Variants in CFAP61 observed in about 807,000 individuals in gnomAD.
CFAP61 encodes cilia- and flagella-associated protein 61.
Under a neutral mutation model 135.6 loss-of-function variants are expected in CFAP61, and 107 were observed. The observed-to-expected ratio is 0.79, with a 90% CI of 0.67 to 0.93. The LOEUF is 0.93. Ranked by LOEUF, CFAP61 falls within the 40% of genes least tolerant of loss-of-function variation. The probability of loss-of-function intolerance (pLI) is 0.00; values close to 1 mark genes in which losing one functional copy is unlikely to be tolerated. For synonymous variants in CFAP61, 575 were observed against 578.5 expected, an observed-to-expected ratio of 0.99 and a Z score of 0.09; for missense variants, 1,507 against 1,556.2, an observed-to-expected ratio of 0.97 and a Z score of 0.53.
intron 13 of CFAP61, chr20:20,171,746 T>C: frequency 1.5e-6 from 1 of 682,048 alleles, no homozygotes; most frequent in Non-Finnish European, 2.7e-6. Context: ...TTCAATATAA[T>C]TTATAATCCT....
intron 25 of CFAP61, chr20:20,316,884 AAAAACCAAG>A: frequency 7.6e-6 from 1 of 130,786 alleles, no homozygotes. Flanking sequence ...TCTGTCTGAA[AAAAACCAAG>A]GCAGACAGAG....
chr20:20,079,442 TTC>T (rs1165008724), intron 6 of CFAP61, among the ~76,000 whole-genome samples: 1 of 152,188 alleles, frequency 6.6e-6, no homozygotes, highest in African/African-American at 2.4e-5. Context: ...TATTTTTTTT[TTC>T]CTTTTTGCTG....
chr20:20,197,714 G>C (rs2056387245), intron 16 of CFAP61, among the ~76,000 whole-genome samples: 1 of 129,684 alleles, frequency 7.7e-6, no homozygotes, highest in Non-Finnish European at 1.6e-5. Flanking sequence ...GATTCCCAAG[G>C]GTTTTTTTTC....
At chr20:20,063,956 G>A (rs1167716911) in intron 2 of CFAP61, among the ~76,000 whole-genome samples, 2 of 151,004 alleles carry the variant, frequency 1.3e-5, no homozygotes, top group South Asian at 2.1e-4. Context: ...GTATAAAACT[G>A]ACAAAATAAC....
chr20:20,218,169 A>AATTAT (rs1398998811), intron 17 of CFAP61, among the ~76,000 whole-genome samples: 2 of 152,086 alleles, frequency 1.3e-5, no homozygotes, highest in Non-Finnish European at 2.9e-5. Context: ...TCTCAACTTG[A>AATTAT]ATTATGTCTC....
chr20:20,258,443 G>A (rs576937473), intron 20 of CFAP61: 15 of 152,256 alleles, frequency 9.9e-5, no homozygotes, highest in Admixed American at 4.6e-4. Flanking sequence ...CACTGAAGAA[G>A]GGAAGGAACA....
intron 2 of CFAP61, among the ~76,000 whole-genome samples, chr20:20,066,654 A>G (rs1271908864): frequency 1.3e-5 from 2 of 152,086 alleles, no homozygotes; most frequent in Non-Finnish European, 1.5e-5. Flanking sequence ...AGGGAGGGGA[A>G]CATCACGCAC....
intron 8 of CFAP61, among the ~76,000 whole-genome samples, chr20:20,129,354 G>A (rs570767074): frequency 6.6e-6 from 1 of 151,846 alleles, no homozygotes; most frequent in Non-Finnish European, 1.5e-5. Flanking sequence ...TTCTCCAAAG[G>A]AAGTTTTTTA....
chr20:20,259,808 A>C (rs2052009393), intron 20 of CFAP61: 1 of 152,202 alleles, frequency 6.6e-6, no homozygotes, highest in African/African-American at 2.4e-5. Context: ...TAAGAAAGGA[A>C]GGAAGACAGA....
intron 25 of CFAP61, among the ~76,000 whole-genome samples, chr20:20,300,216 C>G (rs1229082344): frequency 6.6e-6 from 1 of 152,150 alleles, no homozygotes; most frequent in African/African-American, 2.4e-5. Flanking sequence ...AATAAATGAC[C>G]ATGTTACTGT....
chr20:20,200,591 G>A (rs1385449270), intron 17 of CFAP61: 7 of 482,304 alleles, frequency 1.5e-5, no homozygotes, highest in Non-Finnish European at 1.9e-5. Context: ...CATGTTGACT[G>A]ATATGGGCTT....
At chr20:20,323,310 A>T (rs1602016340) in intron 25 of CFAP61, 1 of 985,300 alleles carries the variant, frequency 1.0e-6, no homozygotes, top group Non-Finnish European at 1.2e-6. Flanking sequence ...TCAGGCCTTC[A>T]AAAGAGAGTA....
Position 20,098,690 on chromosome 20 carries a change from C to T in CFAP61, c.735C>T (p.Cys245=), listed in dbSNP as rs1356087416. 3 of 1,612,124 alleles carry T rather than the reference C, an allele frequency of 1.9e-6. No individual in the cohort carries two copies. Among genetic ancestry groups the T allele is most frequent in the South Asian group, 2.2e-5 (2 of 91,014 alleles). Residue 245 remains cysteine, a synonymous_variant, in exon 8 of 27, where the codon TGC becomes TGT. Coordinates refer to ENST00000245957, the MANE Select transcript of CFAP61 (RefSeq NM_015585.4). ...CAGCTGTTGGGTTCATGAGTGTGTGCTCAAGAGTGAACATGCAACTGCTGC... is the reference window on the plus strand; with the variant it reads ...CAGCTGTTGGGTTCATGAGTGTGTGTTCAAGAGTGAACATGCAACTGCTGC... ...EGTAVGFMSV[C]SRVNMQLLHE...
chr20:20,206,595 A>C, intron 17 of CFAP61, among the ~76,000 whole-genome samples: 1 of 152,034 alleles, frequency 6.6e-6, no homozygotes, highest in East Asian at 1.9e-4. Context: ...TCTGTACTTT[A>C]TCTCTTTTTT....
chr20:20,357,220 G>A (rs1230760374), intron 26 of CFAP61, among the ~76,000 whole-genome samples: 14 of 71,928 alleles, frequency 1.9e-4, no homozygotes, highest in African/African-American at 5.6e-4. Flanking sequence ...CACACTGAGG[G>A]GAGGGGGTCA....
At chr20:20,134,804 G>T (rs1328161951) in intron 8 of CFAP61, among the ~76,000 whole-genome samples, 1 of 152,042 alleles carries the variant, frequency 6.6e-6, no homozygotes, top group Non-Finnish European at 1.5e-5. Flanking sequence ...ATGCTGAGAT[G>T]GTAACAATCA....
chr20:20,340,757 C>T (rs555021616), intron 25 of CFAP61, among the ~76,000 whole-genome samples: 2 of 152,236 alleles, frequency 1.3e-5, no homozygotes, highest in South Asian at 4.1e-4. Context: ...GGATTTCAGC[C>T]GCTGAGGAAA....
intron 25 of CFAP61, among the ~76,000 whole-genome samples, chr20:20,337,670 G>A (rs200208025): frequency 5.3e-5 from 1 of 18,962 alleles, no homozygotes. Flanking sequence ...ATGGATGGAT[G>A]GATGGATAGA....
intron 26 of CFAP61, among the ~76,000 whole-genome samples, chr20:20,353,089 T>G (rs2058905850): frequency 6.6e-6 from 1 of 152,154 alleles, no homozygotes; most frequent in South Asian, 2.1e-4. Context: ...AATAGACACT[T>G]CTCAAAAGAA....
Sources: gnomAD v4.1 joint callset for allele counts (sites outside exome capture counted in the v4.1 genomes callset) on GRCh38, gnomAD v4.1.1 for gene constraint, MANE v1.5 for transcripts, NCBI Gene and HGNC (gene_info 2026-07-23, HGNC 2026-07-21) for gene names.